Variants in FSHR observed in about 807,000 individuals in gnomAD.
FSHR encodes follicle stimulating hormone receptor, also known as follicle-stimulating hormone receptor.
FSHR carries 46 observed loss-of-function variants against 52.1 expected under a neutral mutation model. The ratio of observed to expected loss-of-function variants is 0.88; its 90% CI spans 0.70 to 1.13. The LOEUF (loss-of-function observed/expected upper bound fraction) is 1.13, where lower values mean the gene tolerates loss of function less well. Among genes scored for constraint, FSHR ranks in the 50% most tolerant of loss-of-function variants. FSHR has a pLI of 0.00. For missense variants in FSHR, 964 were observed against 834.6 expected (o/e 1.16, Z -1.91); for synonymous variants, 399 against 309.6 (o/e 1.29, Z -3.03).
At chr2:49,061,392 C>G (rs2104326156) in intron 2 of FSHR, among the ~76,000 whole-genome samples, 1 of 151,356 alleles carries the variant, frequency 6.6e-6, no homozygotes, top group Non-Finnish European at 1.5e-5. Flanking sequence ...TCAAAACTGA[C>G]CAGGAGTAGC....
At chr2:49,139,337 A>G (rs1162048288) in intron 1 of FSHR, among the ~76,000 whole-genome samples, 1 of 152,134 alleles carries the variant, frequency 6.6e-6, no homozygotes, top group Non-Finnish European at 1.5e-5. Context: ...TTACTAAATG[A>G]GAGTTTCCTG....
intron 2 of FSHR, among the ~76,000 whole-genome samples, chr2:49,062,033 A>G (rs1056219984): frequency 6.6e-6 from 1 of 151,656 alleles, no homozygotes; most frequent in Non-Finnish European, 1.5e-5. Flanking sequence ...ATGAACATTA[A>G]ATTTAAATTG....
rs535363355 is a variant in FSHR, at chr2:48,997,239, G to C, written c.375-6602C>G. 7.5e-5 allele frequency: 74 copies of C among 985,090 alleles called. No homozygotes were observed. In the African/African-American group the frequency reaches 1.2e-3, roughly 15 times the overall value. The allele number at this position is 985,090 out of a possible 1,614,324, so 61.0% of individuals were successfully genotyped here. A position where few individuals can be genotyped will look rare whatever the true frequency, so the allele number is the denominator to read the frequency against. On this transcript the variant is annotated intron_variant, in intron 4 of 9. Coordinates refer to ENST00000406846, the MANE Select transcript of FSHR (RefSeq NM_000145.4). Reference sequence around the variant, plus strand: ...TTTGTGTAAGAAATTATGTGAGACAGTAGGAAAGCCTGGTTTCTTGCCTTT... The same window carrying C: ...TTTGTGTAAGAAATTATGTGAGACACTAGGAAAGCCTGGTTTCTTGCCTTT...
intron 1 of FSHR, among the ~76,000 whole-genome samples, chr2:49,153,089 G>T (rs766155521): frequency 7.2e-5 from 11 of 152,178 alleles, no homozygotes; most frequent in Admixed American, 1.3e-4. Flanking sequence ...GATGTTAAGG[G>T]GAAATGTGGC....
chr2:49,047,996 A>T (rs1192584796), intron 2 of FSHR, among the ~76,000 whole-genome samples: 2 of 152,148 alleles, frequency 1.3e-5, no homozygotes, highest in African/African-American at 4.8e-5. Flanking sequence ...CTCCTGCCTC[A>T]GCCTCCCAAG....
intron 2 of FSHR, among the ~76,000 whole-genome samples, chr2:49,048,764 T>C (rs1452700222): frequency 3.9e-5 from 6 of 152,156 alleles, no homozygotes; most frequent in Admixed American, 6.5e-5. Flanking sequence ...AATGGTTATA[T>C]ATAAAAACAC....
chr2:49,088,220 G>A (rs1486048631), intron 1 of FSHR, among the ~76,000 whole-genome samples: 11 of 152,126 alleles, frequency 7.2e-5, no homozygotes, highest in Non-Finnish European at 1.0e-4. Context: ...TGGGACCCAG[G>A]GCTGGTAAAG....
At chr2:49,137,716 C>T (rs1435646537) in intron 1 of FSHR, among the ~76,000 whole-genome samples, 2 of 151,878 alleles carry the variant, frequency 1.3e-5, no homozygotes, top group African/African-American at 4.8e-5. Context: ...CAATATGGTC[C>T]CAATTGTTTA....
chr2:48,983,427 G>A (rs1675348589), intron 6 of FSHR, among the ~76,000 whole-genome samples: 1 of 152,182 alleles, frequency 6.6e-6, no homozygotes, highest in South Asian at 2.1e-4. Flanking sequence ...GGCATACTTA[G>A]GCAGAGCAGC....
At chr2:48,966,631 A>G (rs2104001161) in intron 9 of FSHR, among the ~76,000 whole-genome samples, 1 of 152,300 alleles carries the variant, frequency 6.6e-6, no homozygotes, top group East Asian at 1.9e-4. Flanking sequence ...CCGCTACCAA[A>G]CCACATCTAC....
In FSHR at chr2:49,083,991, A is replaced by G. The variant is rs556742641; in HGVS notation, c.153-15701T>C. Among the ~76,000 whole-genome samples the G allele has an allele frequency of 7.2e-5, 11 of 151,764 alleles. No homozygotes were observed. The South Asian group carries it at 1.0e-3, about 14-fold the overall frequency. On this transcript the variant is annotated intron_variant, in intron 1 of 9. Coordinates refer to ENST00000406846, the MANE Select transcript of FSHR (RefSeq NM_000145.4). ...AATTGAACTCAGCTCTGCACCAAGCAGACCTAATAGACATCTACAGAACTC... is the reference window on the plus strand; with the variant it reads ...AATTGAACTCAGCTCTGCACCAAGCGGACCTAATAGACATCTACAGAACTC...
chr2:49,073,944 C>T (rs1669851212), intron 1 of FSHR, among the ~76,000 whole-genome samples: 1 of 152,014 alleles, frequency 6.6e-6, no homozygotes. Context: ...GGGGAAAGGA[C>T]AGTCTCTTCA....
At chr2:49,028,361 A>T (rs146350496) in intron 2 of FSHR, among the ~76,000 whole-genome samples, 26 of 152,310 alleles carry the variant, frequency 1.7e-4, no homozygotes, top group African/African-American at 6.3e-4. Flanking sequence ...TGGTTGACAC[A>T]CATGTGTGAG....
chr2:49,150,561 C>T (rs192251099), intron 1 of FSHR, among the ~76,000 whole-genome samples: 1 of 152,072 alleles, frequency 6.6e-6, no homozygotes, highest in Non-Finnish European at 1.5e-5. Flanking sequence ...CAGTTAGGCA[C>T]ACATGGTGAT....
chr2:49,123,559 T>G (rs935244424), intron 1 of FSHR, among the ~76,000 whole-genome samples: 1 of 152,236 alleles, frequency 6.6e-6, no homozygotes, highest in African/African-American at 2.4e-5. Flanking sequence ...AATATGTTAA[T>G]TAGCTTGATT....
intron 1 of FSHR, among the ~76,000 whole-genome samples, chr2:49,071,446 G>T (rs1669725131): frequency 6.6e-6 from 1 of 151,832 alleles, no homozygotes; most frequent in South Asian, 2.1e-4. Context: ...TCAAATGTGA[G>T]GATAAAATAA....
At chr2:49,120,365 A>G (rs1365304122) in intron 1 of FSHR, among the ~76,000 whole-genome samples, 1 of 152,242 alleles carries the variant, frequency 6.6e-6, no homozygotes, top group Non-Finnish European at 1.5e-5. Flanking sequence ...GAAATTCATT[A>G]TAAATCAAAA....
intron 2 of FSHR, among the ~76,000 whole-genome samples, chr2:49,067,331 GGAAGT>G (rs1166934201): frequency 6.6e-6 from 1 of 151,872 alleles, no homozygotes; most frequent in African/African-American, 2.4e-5. Flanking sequence ...TCAGACTTCA[GGAAGT>G]ACTATTCTTA....
At chr2:49,070,640 A>G (rs933438965) in intron 1 of FSHR, among the ~76,000 whole-genome samples, 3 of 152,176 alleles carry the variant, frequency 2.0e-5, no homozygotes, top group South Asian at 2.1e-4. Flanking sequence ...TGTCAACTAC[A>G]AAGCATTTTT....
Sources: gnomAD v4.1 joint callset for allele counts (sites outside exome capture counted in the v4.1 genomes callset) on GRCh38, gnomAD v4.1.1 for gene constraint, MANE v1.5 for transcripts, NCBI Gene and HGNC (gene_info 2026-07-23, HGNC 2026-07-21) for gene names.